The following FLNB variants were observed in gnomAD, a reference collection of about 807,000 sequenced individuals.
The protein encoded by FLNB is filamin-B.
FLNB carries 111 observed loss-of-function variants against 250.6 expected under a neutral mutation model. The ratio of observed to expected loss-of-function variants is 0.44; its 90% confidence interval spans 0.38 to 0.52. FLNB has a LOEUF of 0.52. Ranked by LOEUF, FLNB falls within the 20% of genes least tolerant of loss-of-function variation. FLNB has a pLI of 0.00. For missense variants in FLNB, 2,869 were observed against 3,447.8 expected (o/e 0.83, Z 4.20); for synonymous variants, 1,302 against 1,372.1 (o/e 0.95, Z 1.13).
chr3:58,159,729 C>A (rs1308200012), intron 42 of FLNB, 43 bp downstream of exon 42: 1 of 1,605,236 alleles, frequency 6.2e-7, no homozygotes, highest in Non-Finnish European at 8.5e-7. Flanking sequence ...CCAGCACTTT[C>A]CAGCAGAATG....
At chr3:58,120,408 G>A (rs1405704524) in intron 19 of FLNB, among the ~76,000 whole-genome samples, 1 of 152,240 alleles carries the variant, frequency 6.6e-6, no homozygotes, top group Non-Finnish European at 1.5e-5. Context: ...GTTCGGCAGT[G>A]TCCATCTTGC....
intron 35 of FLNB, 80 bp from the exon 36 acceptor site, chr3:58,148,569 T>A (rs576204015): frequency 1.5e-6 from 2 of 1,344,438 alleles, no homozygotes; most frequent in African/African-American, 2.9e-5. Flanking sequence ...AGAGGACATA[T>A]TTCTATTTCT....
intron 3 of FLNB, among the ~76,000 whole-genome samples, 185 bp from the exon 4 acceptor site, chr3:58,081,444 G>A (rs539117362): frequency 6.6e-6 from 1 of 152,176 alleles, no homozygotes; most frequent in Non-Finnish European, 1.5e-5. Context: ...AAAGGGGTCT[G>A]CAATTTCTCA....
rs558212874 is a variant in FLNB, at chr3:58,052,629, C to T, written c.293-24417C>T. Among the ~76,000 whole-genome samples the T allele has an allele frequency of 1.4e-4, 21 of 152,290 alleles. No homozygotes were observed. The South Asian group carries it at 2.5e-3, about 18-fold the overall frequency. On this transcript the variant is annotated intron_variant, in intron 1 of 45. Transcript: ENST00000295956. The stretch of plus-strand genomic sequence containing the variant: ...CTTTAGTGTGCCGTGGTCATGACAT[C>T]GGTGTGGATGGCAGGTTGTCATCTG...
chr3:58,151,325 G>A (rs1173210812), intron 38 of FLNB: 3 of 147,492 alleles, frequency 2.0e-5, no homozygotes, highest in African/African-American at 5.0e-5. Context: ...CTGGGAGGTG[G>A]AGGTTGCAGT....
In FLNB at chr3:58,135,995, C is replaced by T; in HGVS notation, c.4688C>T (p.Pro1563Leu). ...AVQITDQEGK[P>L]KRAIVHDNKD... ...GATCCACAGGACCAAGAAGGAAAAC[C>T]CAAAAGAGCCATTGTCCATGACAAT... The change falls in exon 28 of 46, where the codon CCC becomes CTC. Residue 1563 changes from proline (P) to leucine (L), a missense_variant. Around this residue, in one of 5 missense-constraint regions of FLNB, gnomAD observed 126 missense variants for 182.0 expected, o/e 0.69. Coordinates refer to ENST00000295956, the MANE Select transcript of FLNB (RefSeq NM_001457.4). 6.2e-7 allele frequency: 1 copy of T among 1,614,104 alleles called. No individual in the cohort carries two copies. The highest frequency in any genetic ancestry group is 8.5e-7 in the Non-Finnish European group (1 of 1,180,014).
chr3:58,099,456 C>T (rs925539400), intron 8 of FLNB, among the ~76,000 whole-genome samples: 22 of 152,346 alleles, frequency 1.4e-4, no homozygotes, highest in Non-Finnish European at 2.2e-4. Context: ...CCCTTAACTA[C>T]TCTGCTAAAC....
intron 1 of FLNB, among the ~76,000 whole-genome samples, chr3:58,053,278 G>T (rs1045000710): frequency 6.6e-5 from 10 of 152,038 alleles, no homozygotes; most frequent in African/African-American, 1.9e-4. Context: ...CTTATGTTAG[G>T]GCTCAGTCTA....
Position 58,126,741 on chromosome 3 carries a change from T to A in FLNB, c.4201T>A (p.Tyr1401Asn). The A allele has an allele frequency of 6.2e-7, 1 of 1,613,832 alleles. No homozygotes were observed. Among genetic ancestry groups the A allele is most frequent in the Non-Finnish European group, 8.5e-7 (1 of 1,179,786 alleles). The change falls in exon 24 of 46, where the codon TAT becomes AAT. Residue 1401 changes from tyrosine to asparagine, a missense_variant. This residue lies in a region of FLNB where 1,348 missense variants were observed against 1,466.7 expected (regional missense o/e 0.92). Coordinates refer to ENST00000295956, the MANE Select transcript of FLNB (RefSeq NM_001457.4). ...GGGGGATTACGATGTTAATATCACA[T>A]ATGGAGGAGCCCACATCCCCGGTGA... ...APGDYDVNIT[Y>N]GGAHIPGSPF...
intron 45 of FLNB, 107 bp from the exon 46 acceptor site, chr3:58,170,468 G>A: frequency 9.1e-7 from 1 of 1,104,670 alleles, no homozygotes; most frequent in Non-Finnish European, 1.3e-6. Context: ...CCTCTTAGGG[G>A]CCCCAGCATT....
intron 34 of FLNB, among the ~76,000 whole-genome samples, chr3:58,147,539 G>A (rs957124063): frequency 4.6e-5 from 7 of 152,208 alleles, no homozygotes; most frequent in East Asian, 1.9e-4. Context: ...TTTCCCCACC[G>A]TATTTAGACC....
chr3:58,123,322 C>G lies in FLNB; in HGVS notation c.3356C>G (p.Pro1119Arg). ...VNILFEEVHI[P>R]GSPFKADIEM... ...ATCCTCTTTGAAGAAGTCCACATAC[C>G]TGGGTCTCCCTTCAAAGCTGACATT... Residue 1119 changes from proline (P) to arginine (R), a missense_variant, in exon 21 of 46, where the codon CCT becomes CGT. By Grantham distance (103) the Pro-to-Arg change is moderately radical. Around this residue, in one of 5 missense-constraint regions of FLNB, gnomAD observed 1,348 missense variants for 1,466.7 expected, o/e 0.92. Transcript: ENST00000295956. The G allele has an allele frequency of 6.2e-7, 1 of 1,614,150 alleles. No homozygotes were observed. Among genetic ancestry groups the G allele is most frequent in the Non-Finnish European group, 8.5e-7 (1 of 1,180,022 alleles).
intron 1 of FLNB, among the ~76,000 whole-genome samples, chr3:58,047,002 A>C (rs977680589): frequency 6.6e-6 from 1 of 152,202 alleles, no homozygotes; most frequent in Admixed American, 6.5e-5. Context: ...GTAGGATTTG[A>C]ATTTTCAAAT....
In FLNB at chr3:58,169,839, C is replaced by A; in HGVS notation, c.7621+46C>A. The A allele has an allele frequency of 1.3e-6, 2 of 1,492,252 alleles. No homozygotes were observed. The highest frequency in any genetic ancestry group is 1.9e-6 in the Non-Finnish European group (2 of 1,077,320). The allele number at this position is 1,492,252 out of a possible 1,614,324, so 92.4% of individuals were successfully genotyped here. On this transcript the variant is annotated intron_variant, in intron 45 of 45. Coordinates refer to ENST00000295956, the MANE Select transcript of FLNB (RefSeq NM_001457.4). The surrounding 1 kb of genome is among the most constrained non-coding windows in gnomAD (Gnocchi z 4.8). The stretch of plus-strand genomic sequence containing the variant: ...AAGGGTGGGGTGGGGCAGGGGCAGG[C>A]TGGGCACCCTGGGTACACTGGCCTT...
intron 4 of FLNB, among the ~76,000 whole-genome samples, chr3:58,093,315 A>T (rs1559686996): frequency 6.6e-6 from 1 of 152,128 alleles, no homozygotes; most frequent in Non-Finnish European, 1.5e-5. Context: ...GTGTTCACCA[A>T]CCCAGAAGCT....
rs768051981 is a variant in FLNB at position 58,109,321 on chromosome 3, G to A, written c.2198G>A (p.Arg733Lys). ...GGVNIPHSPY[R>K]VNIGQGSHPQ... Reference sequence around the variant, plus strand: ...GTGAACATCCCGCACAGCCCCTACAGGGTAGGTTGTGAGGCAGAATCCTGG... The same window carrying A: ...GTGAACATCCCGCACAGCCCCTACAAGGTAGGTTGTGAGGCAGAATCCTGG... Residue 733 changes from arginine (R) to lysine (K), a missense_variant and splice_region_variant, in exon 14 of 46, where the codon AGG becomes AAG. Arg to Lys is a conservative substitution (Grantham distance 26, BLOSUM62 2). Around this residue, in one of 5 missense-constraint regions of FLNB, gnomAD observed 1,348 missense variants for 1,466.7 expected, o/e 0.92. Coordinates refer to ENST00000295956, the MANE Select transcript of FLNB (RefSeq NM_001457.4). 13 of 1,613,312 alleles carry A rather than the reference G, an allele frequency of 8.1e-6. No homozygotes were observed. The highest frequency in any genetic ancestry group is 1.1e-5 in the Non-Finnish European group (13 of 1,179,642).
chr3:58,148,369 G>GC lies in FLNB; in HGVS notation c.5887+6dup. 1.2e-6 allele frequency: 2 copies of GC among 1,612,908 alleles called. No individual in the cohort carries two copies. The highest frequency in any genetic ancestry group is 1.7e-4 in the Middle Eastern group (1 of 6,056). On this transcript the variant is annotated splice_donor_region_variant and intron_variant, in intron 35 of 45. Transcript: ENST00000295956. ...GGCTGCCCAACAACCACATTGGTGAGCTAGGCTACCCTTCCTGGCTGGAGC... is the reference window on the plus strand; with the variant it reads ...GGCTGCCCAACAACCACATTGGTGAGCCTAGGCTACCCTTCCTGGCTGGAGC...
At chr3:58,047,530 T>G in intron 1 of FLNB, among the ~76,000 whole-genome samples, 1 of 152,110 alleles carries the variant, frequency 6.6e-6, no homozygotes, top group Admixed American at 6.6e-5. Flanking sequence ...CCATATTTGC[T>G]TGCTCTATCA....
chr3:58,033,915 C>A (rs2097134387), intron 1 of FLNB, among the ~76,000 whole-genome samples: 1 of 152,138 alleles, frequency 6.6e-6, no homozygotes, highest in Non-Finnish European at 1.5e-5. Flanking sequence ...GGCTGGAGTG[C>A]AGTGGTGTGA....
Sources: allele counts gnomAD v4.1 joint callset (sites outside exome capture counted in the v4.1 genomes callset), GRCh38; gene constraint gnomAD v4.1.1; regional missense constraint gnomAD v4.1.1; non-coding constraint Gnocchi (gnomAD v3.1); transcripts MANE v1.5; gene names NCBI Gene and HGNC (gene_info 2026-07-23, HGNC 2026-07-21).